The following TPO variants were observed in gnomAD, a reference collection of about 807,000 sequenced individuals.
TPO encodes thyroid microsomal antigen.
In TPO, 78 loss-of-function variants were observed where a neutral mutation model predicts 96.9. The observed-to-expected ratio is 0.81, with a 90% CI of 0.67 to 0.97. TPO has a LOEUF of 0.97. Ranked by LOEUF, TPO falls within the 50% of genes least tolerant of loss-of-function variation. The pLI, the probability that TPO is intolerant of heterozygous loss-of-function variation, is 0.00. For missense variants in TPO, 1,252 were observed against 1,274.8 expected (o/e 0.98, Z 0.27); for synonymous variants, 547 against 538.0 (o/e 1.02, Z -0.23).
chr2:1,471,601 A>G (rs1029829026), intron 7 of TPO, among the ~76,000 whole-genome samples: 1 of 152,178 alleles, frequency 6.6e-6, no homozygotes, highest in Non-Finnish European at 1.5e-5. Flanking sequence ...TCCCGACACG[A>G]GTCTCTTCCT....
At chr2:1,392,888 C>A (rs1196539553) in intron 1 of TPO, among the ~76,000 whole-genome samples, 1 of 151,910 alleles carries the variant, frequency 6.6e-6, no homozygotes, top group Admixed American at 6.6e-5. Flanking sequence ...TCTCTCTTTT[C>A]TTCTTTATTC....
chr2:1,491,318 A>G (rs11674560), intron 10 of TPO, among the ~76,000 whole-genome samples: 1 of 151,964 alleles, frequency 6.6e-6, no homozygotes, highest in Non-Finnish European at 1.5e-5. Flanking sequence ...TACCTCCTGC[A>G]CAGGCCTTGC....
rs28991292 is a variant in TPO at position 1,496,621 on chromosome 2, G to A, written c.2242G>A (p.Val748Met). Residue 748 changes from valine to methionine, a missense_variant, in exon 13 of 17, where the codon GTG (valine) becomes ATG (methionine). Coordinates refer to ENST00000329066, the MANE Select transcript of TPO (RefSeq NM_001206744.2). ...QDDKCGFPES[V>M]ENGDFVHCEE... The stretch of plus-strand genomic sequence containing the variant: ...CGACAAGTGTGGCTTCCCAGAGAGC[G>A]TGGAGAATGGGGACTTTGTGCACTG... The A allele has an allele frequency of 1.2e-3, 1,916 of 1,613,864 alleles. 35 individuals carry two copies. The Admixed American group carries it at 0.027, about 23-fold the overall frequency.
intron 1 of TPO, among the ~76,000 whole-genome samples, chr2:1,382,432 T>C (rs2148345126): frequency 6.6e-6 from 1 of 152,294 alleles, no homozygotes; most frequent in South Asian, 2.1e-4. Context: ...GCCCATGCCT[T>C]ACTGGCCAGC....
intron 9 of TPO, among the ~76,000 whole-genome samples, chr2:1,486,207 ATG>A (rs1318713084): frequency 2.0e-5 from 3 of 152,172 alleles, no homozygotes; most frequent in African/African-American, 7.2e-5. Context: ...GGGAAAATAA[ATG>A]TGTTTAAAGC....
chr2:1,380,267 G>A (rs1260699324), intron 1 of TPO, among the ~76,000 whole-genome samples: 7 of 151,840 alleles, frequency 4.6e-5, no homozygotes, highest in South Asian at 2.1e-4. Context: ...GGTGGCGGGC[G>A]CCTGTAGTCC....
chr2:1,487,752 AT>A, intron 9 of TPO, 68 bp from the exon 10 acceptor site: 1 of 1,582,872 alleles, frequency 6.3e-7, no homozygotes. Context: ...AAAAAAAAAA[AT>A]TGAGATATTG....
At chr2:1,418,202 A>G (rs960844957) in intron 2 of TPO, among the ~76,000 whole-genome samples, 1 of 151,690 alleles carries the variant, frequency 6.6e-6, no homozygotes, top group East Asian at 1.9e-4. Context: ...CACGAGAATC[A>G]GTTGAACCCA....
chr2:1,542,777 G>GA lies in TPO; in HGVS notation c.*303_*304insA. On this transcript the variant is annotated 3_prime_UTR_variant, in exon 17 of 17. Coordinates refer to ENST00000329066, the MANE Select transcript of TPO (RefSeq NM_001206744.2). ...GAAACACCACTCTTGCAATCCTCCTGTCTCCACCTTCTGGCATCTCTGATG... is the reference window on the plus strand; with the variant it reads ...GAAACACCACTCTTGCAATCCTCCTGATCTCCACCTTCTGGCATCTCTGATG... 49 of 674,692 alleles carry GA rather than the reference G, an allele frequency of 7.3e-5. No homozygotes were observed. Among genetic ancestry groups the GA allele is most frequent in the Admixed American group, 2.1e-4 (7 of 33,288 alleles). 41.8% of individuals were successfully genotyped at this position (674,692 alleles called of 1,614,324 possible). A position where few individuals can be genotyped will look rare whatever the true frequency, so the allele number is the denominator to read the frequency against.
intron 2 of TPO, among the ~76,000 whole-genome samples, chr2:1,422,397 C>CAGACCTCGTG (rs1467468825): frequency 5.5e-5 from 3 of 54,828 alleles, no homozygotes; most frequent in African/African-American, 2.1e-4. Context: ...CCGCGCTGGG[C>CAGACCTCGTG]CATGGGGAGA....
intron 15 of TPO, among the ~76,000 whole-genome samples, chr2:1,526,387 C>A (rs1380836767): frequency 2.0e-5 from 2 of 98,836 alleles, no homozygotes; most frequent in Non-Finnish European, 4.0e-5. Context: ...CAAATGCCCC[C>A]CAATGTGAGC....
At chr2:1,531,686 G>C (rs1224262863) in intron 15 of TPO, among the ~76,000 whole-genome samples, 2 of 35,784 alleles carry the variant, frequency 5.6e-5, no homozygotes, top group East Asian at 2.0e-3. Flanking sequence ...CCCAAATCCC[G>C]CCCACTCTTT....
At chr2:1,379,744 T>G (rs569339774) in intron 1 of TPO, among the ~76,000 whole-genome samples, 9 of 152,214 alleles carry the variant, frequency 5.9e-5, no homozygotes, top group Non-Finnish European at 1.2e-4. Context: ...ATAATATTAT[T>G]TAATATCATA....
chr2:1,394,496 T>A (rs903253235), intron 1 of TPO, among the ~76,000 whole-genome samples: 1 of 152,226 alleles, frequency 6.6e-6, no homozygotes, highest in African/African-American at 2.4e-5. Context: ...GGCAGGTGCC[T>A]GGATCCAGAC....
intron 15 of TPO, among the ~76,000 whole-genome samples, chr2:1,523,647 C>G (rs1675715925): frequency 7.3e-6 from 1 of 136,628 alleles, no homozygotes; most frequent in Admixed American, 7.4e-5. Flanking sequence ...CAAATCACCC[C>G]CCACTGTGTT....
intron 7 of TPO, among the ~76,000 whole-genome samples, chr2:1,468,262 T>C (rs1239107247): frequency 6.6e-6 from 1 of 152,132 alleles, no homozygotes; most frequent in African/African-American, 2.4e-5. Context: ...TTTTGTGATT[T>C]TGCTGGTTTT....
At chr2:1,389,875 G>T (rs1439781498) in intron 1 of TPO, among the ~76,000 whole-genome samples, 1 of 152,126 alleles carries the variant, frequency 6.6e-6, no homozygotes, top group Non-Finnish European at 1.5e-5. Flanking sequence ...GAGCAACCAG[G>T]ACACTTAGAT....
chr2:1,505,399 GGCACACTGCCCCATCCTGTGTCAC>G (rs1300086436), intron 14 of TPO, among the ~76,000 whole-genome samples: 21 of 104,934 alleles, frequency 2.0e-4, no homozygotes, highest in Non-Finnish European at 2.2e-4. Context: ...GCCTGTGTCA[GGCACACTGCCCCATCCTGTGTCAC>G]GCACACCCTC....
chr2:1,530,678 T>C (rs1177735466), intron 15 of TPO, among the ~76,000 whole-genome samples: 1 of 23,956 alleles, frequency 4.2e-5, no homozygotes, highest in Non-Finnish European at 7.8e-5. Flanking sequence ...TGCAACCTTC[T>C]CAAATCCCCC....
Sources: gnomAD v4.1 joint callset for allele counts (sites outside exome capture counted in the v4.1 genomes callset) on GRCh38, gnomAD v4.1.1 for gene constraint, MANE v1.5 for transcripts, NCBI Gene and HGNC (gene_info 2026-07-23, HGNC 2026-07-21) for gene names.